Variants in NTNG1 observed in about 807,000 individuals in gnomAD.
The protein encoded by NTNG1 is netrin G1.
In NTNG1, 16 loss-of-function variants were observed where a neutral mutation model predicts 54.0. The observed-to-expected ratio is 0.30, with a 90% CI of 0.20 to 0.45. The LOEUF is 0.45. Among genes scored for constraint, NTNG1 ranks in the 20% least tolerant of loss-of-function variants. The pLI is 1.00. For synonymous variants in NTNG1, 255 were observed against 263.1 expected (o/e 0.97, Z 0.30); for missense variants, 530 against 678.7 (o/e 0.78, Z 2.43).
chr1:107,282,485 G>A (rs1271449953), intron 2 of NTNG1, among the ~76,000 whole-genome samples: 1 of 152,068 alleles, frequency 6.6e-6, no homozygotes, highest in East Asian at 1.9e-4. Flanking sequence ...GCTGATGAAA[G>A]GTAAGACATT....
intron 2 of NTNG1, among the ~76,000 whole-genome samples, chr1:107,233,557 T>G (rs1661205115): frequency 6.6e-6 from 1 of 152,204 alleles, no homozygotes; most frequent in African/African-American, 2.4e-5. Flanking sequence ...GAAATTGTGC[T>G]CATGGCATTT....
chr1:107,401,956 C>T (rs1458506456), intron 4 of NTNG1, among the ~76,000 whole-genome samples: 1 of 152,068 alleles, frequency 6.6e-6, no homozygotes, highest in East Asian at 1.9e-4. Flanking sequence ...GGCATTTAGA[C>T]AGTGCCAGCC....
chr1:107,297,216 CAT>C (rs755223720), intron 2 of NTNG1, among the ~76,000 whole-genome samples: 1,261 of 15,444 alleles, frequency 0.082, 46 homozygotes, highest in African/African-American at 0.21. Context: ...TATATACCAT[CAT>C]ATATATATAT....
chr1:107,260,098 G>A (rs1217121367), intron 2 of NTNG1, among the ~76,000 whole-genome samples: 1 of 152,070 alleles, frequency 6.6e-6, no homozygotes, highest in African/African-American at 2.4e-5. Flanking sequence ...TTAAAATTTT[G>A]GCCATGTCTC....
At chr1:107,407,488 G>A (rs1673504043) in intron 4 of NTNG1, among the ~76,000 whole-genome samples, 194 bp from the exon 5 acceptor site, 1 of 127,570 alleles carries the variant, frequency 7.8e-6, no homozygotes, top group Non-Finnish European at 1.8e-5. Flanking sequence ...TCAATTGCTG[G>A]AAATTGTGTG....
chr1:107,233,930 G>A (rs1385093777), intron 2 of NTNG1, among the ~76,000 whole-genome samples: 1 of 152,146 alleles, frequency 6.6e-6, no homozygotes, highest in Non-Finnish European at 1.5e-5. Context: ...TTCAGAATAA[G>A]AGTTGCATTA....
chr1:107,273,252 T>TG (rs1178722653), intron 2 of NTNG1, among the ~76,000 whole-genome samples: 1 of 152,140 alleles, frequency 6.6e-6, no homozygotes, highest in African/African-American at 2.4e-5. Context: ...TGCTGAGTGA[T>TG]GCAGTGGAGA....
At chr1:107,465,842 C>T (rs994875229) in intron 7 of NTNG1, among the ~76,000 whole-genome samples, 1 of 152,136 alleles carries the variant, frequency 6.6e-6, no homozygotes, top group Non-Finnish European at 1.5e-5. Context: ...ATAATAATAA[C>T]AATAATACCT....
chr1:107,144,863 T>C (rs1363619139), intron 1 of NTNG1, among the ~76,000 whole-genome samples: 1 of 152,030 alleles, frequency 6.6e-6, no homozygotes, highest in Non-Finnish European at 1.5e-5. Flanking sequence ...CTCAGTACTT[T>C]AGTTCCCAAG....
chr1:107,356,858 C>A (rs1669962718), intron 3 of NTNG1, among the ~76,000 whole-genome samples: 1 of 151,980 alleles, frequency 6.6e-6, no homozygotes, highest in South Asian at 2.1e-4. Flanking sequence ...TAAAAGTTAG[C>A]CGGGCATGTT....
chr1:107,376,803 T>C (rs6677537), intron 3 of NTNG1, among the ~76,000 whole-genome samples: 88,961 of 152,006 alleles, frequency 0.59, 26,774 homozygotes, highest in South Asian at 0.75. Context: ...AGTCTTCTTT[T>C]GCTGCCCCCC....
intron 2 of NTNG1, among the ~76,000 whole-genome samples, chr1:107,203,600 A>G (rs1273012971): frequency 1.3e-5 from 2 of 151,248 alleles, no homozygotes; most frequent in Admixed American, 1.3e-4. Flanking sequence ...GTATATATAT[A>G]CACATATATA....
intron 2 of NTNG1, among the ~76,000 whole-genome samples, chr1:107,226,643 A>G (rs999440874): frequency 6.6e-6 from 1 of 152,116 alleles, no homozygotes; most frequent in Non-Finnish European, 1.5e-5. Context: ...TCAGTGGTGG[A>G]ATACCATTAA....
At chr1:107,210,764 A>G (rs1570862093) in intron 2 of NTNG1, among the ~76,000 whole-genome samples, 1 of 152,030 alleles carries the variant, frequency 6.6e-6, no homozygotes, top group Admixed American at 6.6e-5. Flanking sequence ...TAGATTCTAA[A>G]CCTTCCATTT....
At chr1:107,421,245 A>G (rs1003028610) in intron 5 of NTNG1, 21 of 783,934 alleles carry the variant, frequency 2.7e-5, no homozygotes, top group African/African-American at 1.9e-4. Flanking sequence ...CCATCAGCTT[A>G]TTGGTGAGGC....
chr1:107,303,927 C>T lies in NTNG1; in HGVS notation c.247-20355C>T, dbSNP rs181457684. On this transcript the variant is annotated intron_variant, in intron 2 of 7. Transcript: ENST00000370068. ...GTCTTGATCTCCTGACCTCATAATC[C>T]GCCCGCCTTGGCCTCCAGAAGTGCT... 4.0e-3 allele frequency among the ~76,000 whole-genome samples: 601 copies of T among 152,084 alleles called. 8 individuals are homozygous for T. The highest frequency in any genetic ancestry group is 0.014 in the African/African-American group (570 of 41,470).
Position 107,460,528 on chromosome 1 carries a change from C to T in NTNG1, c.1391-20083C>T, listed in dbSNP as rs185277053. On this transcript the variant is annotated intron_variant, in intron 7 of 7. Transcript: ENST00000370068. The stretch of plus-strand genomic sequence containing the variant: ...CCCATGGTTTAATATTGACTTCTTA[C>T]GAATATTTATATTCACAGCAACTTG... 130 of 447,516 alleles carry T rather than the reference C, an allele frequency of 2.9e-4. 1 individual carries two copies. The East Asian group carries it at 6.9e-3, about 24-fold the overall frequency. The allele number at this position is 447,516 out of a possible 1,614,324, so 27.7% of individuals were successfully genotyped here.
At chr1:107,219,400 G>C (rs1660193983) in intron 2 of NTNG1, among the ~76,000 whole-genome samples, 1 of 152,114 alleles carries the variant, frequency 6.6e-6, no homozygotes, top group South Asian at 2.1e-4. Context: ...TCAACATTCT[G>C]AATTCTTTTT....
rs72989708 is a variant in NTNG1, at chr1:107,464,506, G to A, written c.1391-16105G>A. ...GCAGTGACAGGTGGCAGGAACCTAC[G>A]GAACGAAGGGTGAATGGGAGCAAAG... is the stretch of plus-strand genomic sequence containing the variant. On this transcript the variant is annotated intron_variant, in intron 7 of 7. Coordinates refer to ENST00000370068, the MANE Select transcript of NTNG1 (RefSeq NM_001113226.3). 2.7e-3 allele frequency among the ~76,000 whole-genome samples: 412 copies of A among 152,206 alleles called. 6 individuals carry two copies. The highest frequency in any genetic ancestry group is 9.2e-3 in the African/African-American group (380 of 41,512).
Sources: gnomAD v4.1 joint callset for allele counts (sites outside exome capture counted in the v4.1 genomes callset) on GRCh38, gnomAD v4.1.1 for gene constraint, MANE v1.5 for transcripts, NCBI Gene and HGNC (gene_info 2026-07-23, HGNC 2026-07-21) for gene names.